The following AUTS2 variants were observed in gnomAD, a reference collection of about 807,000 sequenced individuals.
AUTS2 encodes the protein autism susceptibility gene 2 protein.
A neutral mutation model predicts 112.4 loss-of-function variants in AUTS2; 17 were observed. That is an observed-to-expected ratio of 0.15 (90% CI 0.10 to 0.23). The LOEUF is 0.23. Ranked by LOEUF, AUTS2 falls within the 10% of genes least tolerant of loss-of-function variation. AUTS2 has a pLI of 1.00. For synonymous variants in AUTS2, 751 were observed against 702.7 expected (o/e 1.07, Z -1.09); for missense variants, 1,510 against 1,701.6 (o/e 0.89, Z 1.98).
intron 5 of AUTS2, among the ~76,000 whole-genome samples, chr7:70,608,790 A>G (rs1453045168): frequency 6.6e-6 from 1 of 152,134 alleles, no homozygotes; most frequent in African/African-American, 2.4e-5. Context: ...CATTTTCCCC[A>G]TCTTCCTTGT....
intron 1 of AUTS2, among the ~76,000 whole-genome samples, chr7:69,766,965 G>T (rs1002678867): frequency 3.3e-5 from 5 of 152,210 alleles, no homozygotes; most frequent in African/African-American, 1.2e-4. Context: ...CTGGAAAAGT[G>T]TGTGAAGCAA....
At chr7:70,464,513 A>G (rs950283686) in intron 5 of AUTS2, among the ~76,000 whole-genome samples, 4 of 152,230 alleles carry the variant, frequency 2.6e-5, no homozygotes, top group Non-Finnish European at 5.9e-5. Flanking sequence ...AAATAAGGTC[A>G]CTGAGGCCCA....
At chr7:70,584,376 A>C (rs902029043) in intron 5 of AUTS2, among the ~76,000 whole-genome samples, 2 of 152,200 alleles carry the variant, frequency 1.3e-5, no homozygotes, top group Non-Finnish European at 2.9e-5. Context: ...CTTGTTTCCC[A>C]CTGAGGTCTC....
chr7:69,848,547 A>G (rs184503508), intron 1 of AUTS2, among the ~76,000 whole-genome samples: 26 of 152,292 alleles, frequency 1.7e-4, no homozygotes, highest in Admixed American at 1.7e-3. Flanking sequence ...TCCCAGGTAC[A>G]GTAGCAACCT....
At chr7:70,775,408 C>G (rs1216171253) in intron 13 of AUTS2, 22 bp downstream of exon 13, 1 of 1,604,636 alleles carries the variant, frequency 6.2e-7, no homozygotes. Context: ...TCTTATAGAA[C>G]TGTTTTGCAA....
intron 4 of AUTS2, 42 bp from the exon 5 acceptor site, chr7:70,435,706 TACTC>T: frequency 6.2e-7 from 1 of 1,604,900 alleles, no homozygotes; most frequent in Non-Finnish European, 8.5e-7. Context: ...AGCAAAAACA[TACTC>T]AGTTCTTGCA....
At chr7:70,655,405 C>T (rs1476932350) in intron 5 of AUTS2, among the ~76,000 whole-genome samples, 1 of 152,200 alleles carries the variant, frequency 6.6e-6, no homozygotes, top group Non-Finnish European at 1.5e-5. Flanking sequence ...TCAGTGTTGT[C>T]ACAGAGGACC....
chr7:70,790,489 C>T lies in AUTS2; in HGVS notation c.3273C>T (p.Gly1091=). 3 of 1,612,692 alleles carry T rather than the reference C, an allele frequency of 1.9e-6. No homozygotes were observed. Among genetic ancestry groups the T allele is most frequent in the Non-Finnish European group, 2.5e-6 (3 of 1,179,554 alleles). Residue 1091 remains glycine, a synonymous_variant, in exon 19 of 19, where the codon GGC becomes GGT. Coordinates refer to ENST00000342771, the MANE Select transcript of AUTS2 (RefSeq NM_015570.4). The surrounding 1 kb of genome is among the most constrained non-coding windows in gnomAD (Gnocchi z 7.6). ...ELDIHRRDPL[G]RDFLLRNDPL... ...ACATTCACCGGAGAGACCCGCTGGG[C>T]AGGGACTTCCTGCTAAGGAACGACC...
intron 1 of AUTS2, among the ~76,000 whole-genome samples, chr7:69,803,908 T>G (rs778507351): frequency 2.6e-5 from 4 of 152,170 alleles, no homozygotes; most frequent in Non-Finnish European, 5.9e-5. Context: ...TCCAGGCACC[T>G]GTGGTTCCAG....
rs370582724 is a variant in AUTS2, at chr7:70,347,803, C to T, written c.661-87949C>T. 1.8e-4 allele frequency among the ~76,000 whole-genome samples: 28 copies of T among 152,270 alleles called. No homozygotes were observed. In the East Asian group the frequency reaches 3.9e-3, roughly 21 times the overall value. On this transcript the variant is annotated intron_variant, in intron 4 of 18. Coordinates refer to ENST00000342771, the MANE Select transcript of AUTS2 (RefSeq NM_015570.4). ...CTGTGTCAGGGAGGGGATGCAGGGA[C>T]ACATCTCCTTCTACCCTCTGGGAGA...
At chr7:70,740,693 T>G (rs1788050376) in intron 6 of AUTS2, among the ~76,000 whole-genome samples, 1 of 152,118 alleles carries the variant, frequency 6.6e-6, no homozygotes, top group Admixed American at 6.5e-5. Context: ...ATATATACAT[T>G]TATATTTATA....
At chr7:70,008,235 CA>C (rs1799635718) in intron 2 of AUTS2, among the ~76,000 whole-genome samples, 2 of 152,032 alleles carry the variant, frequency 1.3e-5, no homozygotes. Flanking sequence ...TCCCACAAAT[CA>C]GTTATTTAGC....
At chr7:70,586,163 G>A (rs951489844) in intron 5 of AUTS2, among the ~76,000 whole-genome samples, 10 of 151,962 alleles carry the variant, frequency 6.6e-5, no homozygotes, top group African/African-American at 1.9e-4. Context: ...GCGCCCAGCC[G>A]AAATAAAGTT....
chr7:69,606,080 A>T (rs1433181635), intron 1 of AUTS2, among the ~76,000 whole-genome samples: 4 of 152,152 alleles, frequency 2.6e-5, no homozygotes, highest in Non-Finnish European at 5.9e-5. Context: ...TGAATCCGTG[A>T]ATTTAAAAAA....
At chr7:70,752,502 G>T (rs1286379972) in intron 6 of AUTS2, among the ~76,000 whole-genome samples, 1 of 152,148 alleles carries the variant, frequency 6.6e-6, no homozygotes. Flanking sequence ...ATAAGATATA[G>T]GATATCATCA....
Position 70,781,743 on chromosome 7 carries a change from G to C in AUTS2, c.2133G>C (p.Leu711Phe). The change falls in exon 15 of 19, where the codon TTG becomes TTC. Residue 711 changes from leucine (L) to phenylalanine (F), a missense_variant. Around this residue, in one of 3 missense-constraint regions of AUTS2, gnomAD observed 788 missense variants for 797.6 expected, o/e 0.99. Coordinates refer to ENST00000342771, the MANE Select transcript of AUTS2 (RefSeq NM_015570.4). ...HPHDLARPST[L>F]FSAAGAAHPT... ...ATGACCTGGCACGGCCTTCAACTTT[G>C]TTCTCTGCCGCTGGTGAGTGTGGGT... is the stretch of plus-strand genomic sequence containing the variant. 6.2e-7 allele frequency: 1 copy of C among 1,614,092 alleles called. No individual in the cohort carries two copies. The highest frequency in any genetic ancestry group is 8.5e-7 in the Non-Finnish European group (1 of 1,179,972).
chr7:70,493,083 G>T (rs1798313909), intron 5 of AUTS2, among the ~76,000 whole-genome samples: 1 of 152,116 alleles, frequency 6.6e-6, no homozygotes, highest in Non-Finnish European at 1.5e-5. Flanking sequence ...CCTAGTGATT[G>T]CTGGTAAAGA....
chr7:70,211,789 A>T, intron 4 of AUTS2, among the ~76,000 whole-genome samples: 1 of 152,046 alleles, frequency 6.6e-6, no homozygotes, highest in East Asian at 1.9e-4. Flanking sequence ...GATCGAGACC[A>T]TCCTGGCTAA....
chr7:70,167,448 A>T (rs1808444166), intron 4 of AUTS2, among the ~76,000 whole-genome samples: 3 of 152,174 alleles, frequency 2.0e-5, no homozygotes. Context: ...TATAGGAAGA[A>T]TAGACAAATC....
Sources: gnomAD v4.1 joint callset for allele counts (sites outside exome capture counted in the v4.1 genomes callset) on GRCh38, gnomAD v4.1.1 for gene constraint, gnomAD v4.1.1 regional missense constraint, Gnocchi (gnomAD v3.1) non-coding constraint, MANE v1.5 for transcripts, NCBI Gene and HGNC (gene_info 2026-07-23, HGNC 2026-07-21) for gene names.